PLD5: variants seen among roughly 807,000 people sequenced by gnomAD.
PLD5 encodes inactive phospholipase D5.
In PLD5, 36 loss-of-function variants were observed where a neutral mutation model predicts 61.1. That is an observed-to-expected ratio of 0.59 (90% CI 0.45 to 0.78). The LOEUF (loss-of-function observed/expected upper bound fraction) is 0.78, where lower values mean the gene tolerates loss of function less well. Among genes scored for constraint, PLD5 ranks in the 30% least tolerant of loss-of-function variants. The probability of loss-of-function intolerance (pLI) is 0.00; values close to 1 mark genes in which losing one functional copy is unlikely to be tolerated. For missense variants in PLD5, 515 were observed against 644.4 expected (o/e 0.80, Z 2.17); for synonymous variants, 243 against 242.8 (o/e 1.00, Z -0.01).
At chr1:242,092,173 C>CTAGA (rs1659886312) in intron 9 of PLD5, among the ~76,000 whole-genome samples, 1 of 152,056 alleles carries the variant, frequency 6.6e-6, no homozygotes. Context: ...GTTGCCCAGG[C>CTAGA]TAGAGTGCAG....
chr1:242,490,709 T>C (rs1382911451), intron 1 of PLD5, among the ~76,000 whole-genome samples: 1 of 152,282 alleles, frequency 6.6e-6, no homozygotes, highest in South Asian at 2.1e-4. Flanking sequence ...TCAATGTTCA[T>C]CTCTTTTTTA....
intron 2 of PLD5, among the ~76,000 whole-genome samples, chr1:242,307,948 G>A (rs2494894): frequency 6.6e-6 from 1 of 152,100 alleles, no homozygotes; most frequent in African/African-American, 2.4e-5. Context: ...TCTACTTGAC[G>A]TGTCAATGGA....
intron 5 of PLD5, among the ~76,000 whole-genome samples, chr1:242,181,012 A>G (rs1025034188): frequency 6.6e-6 from 1 of 151,996 alleles, no homozygotes; most frequent in African/African-American, 2.4e-5. Context: ...AAACAAACAA[A>G]AAAACACAAA....
chr1:242,166,784 C>CTGAT (rs1199451992), intron 5 of PLD5, among the ~76,000 whole-genome samples: 2 of 152,056 alleles, frequency 1.3e-5, no homozygotes, highest in Non-Finnish European at 2.9e-5. Flanking sequence ...TAGATGCTGA[C>CTGAT]TGATAACATA....
intron 2 of PLD5, among the ~76,000 whole-genome samples, chr1:242,296,388 C>T (rs555982863): frequency 6.6e-6 from 1 of 152,084 alleles, no homozygotes; most frequent in Non-Finnish European, 1.5e-5. Context: ...TAATTAATTG[C>T]CATTAGTCTA....
Position 242,301,927 on chromosome 1 carries a change from G to T in PLD5, c.327-13397C>A, listed in dbSNP as rs368547672. Among the ~76,000 whole-genome samples the T allele has an allele frequency of 4.5e-4, 68 of 152,052 alleles. No individual in the cohort carries two copies. In the East Asian group the frequency reaches 0.013, roughly 28 times the overall value. ...CGAGTAGCTGGGATTACTAGGGCCTGCCACCACACCCGGCTAATTATTTTT... is the reference window on the plus strand; with the variant it reads ...CGAGTAGCTGGGATTACTAGGGCCTTCCACCACACCCGGCTAATTATTTTT... On this transcript the variant is annotated intron_variant, in intron 2 of 9. Transcript: ENST00000536534.
At chr1:242,523,994 C>A in intron 1 of PLD5, 94 bp downstream of exon 1, 3 of 1,338,948 alleles carry the variant, frequency 2.2e-6, no homozygotes, top group Non-Finnish European at 3.0e-6. Context: ...CCCTCGCCTG[C>A]CCCCCGCGCC....
At chr1:242,283,951 C>T (rs1168440069) in intron 3 of PLD5, among the ~76,000 whole-genome samples, 1 of 151,874 alleles carries the variant, frequency 6.6e-6, no homozygotes, top group Non-Finnish European at 1.5e-5. Context: ...TTTTTATCTG[C>T]AAAGAACAGG....
Position 242,089,463 on chromosome 1 carries a change from C to T in PLD5, c.*391G>A. ...CTCTTCTCCAAGGCAAAATCCTCACCTTCCTCTCTAAATCAACAGTTCTCA... is the reference window on the plus strand; with the variant it reads ...CTCTTCTCCAAGGCAAAATCCTCACTTTCCTCTCTAAATCAACAGTTCTCA... On this transcript the variant is annotated 3_prime_UTR_variant, in exon 10 of 10. Coordinates refer to ENST00000536534, the MANE Select transcript of PLD5 (RefSeq NM_001372062.1). The T allele has an allele frequency of 2.3e-6, 1 of 428,612 alleles. No individual in the cohort carries two copies. The highest frequency in any genetic ancestry group is 4.1e-6 in the Non-Finnish European group (1 of 244,082). 26.6% of individuals were successfully genotyped at this position (428,612 alleles called of 1,614,324 possible).
intron 3 of PLD5, among the ~76,000 whole-genome samples, chr1:242,280,995 T>C (rs1207405445): frequency 4.6e-5 from 7 of 152,128 alleles, no homozygotes; most frequent in Non-Finnish European, 8.8e-5. Flanking sequence ...ACAAGTAGGC[T>C]TAGAGAGCCA....
At chr1:242,455,383 T>G (rs1666913438) in intron 1 of PLD5, among the ~76,000 whole-genome samples, 1 of 152,222 alleles carries the variant, frequency 6.6e-6, no homozygotes, top group Non-Finnish European at 1.5e-5. Flanking sequence ...CCAATTTTTT[T>G]GACATAAAGG....
At chr1:242,475,811 A>G (rs1667579634) in intron 1 of PLD5, among the ~76,000 whole-genome samples, 1 of 152,128 alleles carries the variant, frequency 6.6e-6, no homozygotes. Flanking sequence ...GAGAAGAGGA[A>G]GAGAGTCTAG....
intron 2 of PLD5, among the ~76,000 whole-genome samples, chr1:242,322,707 C>T (rs116643170): frequency 3.8e-4 from 58 of 152,220 alleles, no homozygotes; most frequent in African/African-American, 1.3e-3. Flanking sequence ...TATCCACTTC[C>T]TACTTCACTC....
intron 1 of PLD5, among the ~76,000 whole-genome samples, chr1:242,466,215 G>A (rs768437255): frequency 3.3e-5 from 5 of 152,054 alleles, no homozygotes; most frequent in Non-Finnish European, 7.4e-5. Context: ...CCCTTGTTAG[G>A]CTGTAAGCTT....
chr1:242,269,075 T>G (rs1025509838), intron 3 of PLD5, among the ~76,000 whole-genome samples: 4 of 152,180 alleles, frequency 2.6e-5, no homozygotes, highest in Admixed American at 6.5e-5. Flanking sequence ...ACTCCTAACT[T>G]GAGGTGATCC....
At chr1:242,287,584 C>G (rs1367998425) in intron 3 of PLD5, among the ~76,000 whole-genome samples, 1 of 152,010 alleles carries the variant, frequency 6.6e-6, no homozygotes, top group Non-Finnish European at 1.5e-5. Context: ...AAGCTTAATA[C>G]CACTACATTT....
At chr1:242,138,296 G>A (rs1161205985) in intron 5 of PLD5, among the ~76,000 whole-genome samples, 2 of 152,216 alleles carry the variant, frequency 1.3e-5, no homozygotes, top group African/African-American at 2.4e-5. Context: ...GGATGCAAGA[G>A]TGATGGCAGT....
intron 1 of PLD5, among the ~76,000 whole-genome samples, chr1:242,448,542 C>T (rs1188689721): frequency 6.6e-6 from 1 of 152,132 alleles, no homozygotes; most frequent in Non-Finnish European, 1.5e-5. Context: ...TGTTTAGTGG[C>T]CCCATTGTTG....
intron 2 of PLD5, among the ~76,000 whole-genome samples, chr1:242,327,208 T>C (rs572418388): frequency 4.5e-4 from 68 of 152,192 alleles, no homozygotes; most frequent in African/African-American, 1.5e-3. Flanking sequence ...GGTCTCACTA[T>C]GTTGCCCAGG....
Sources: gnomAD v4.1 joint callset for allele counts (sites outside exome capture counted in the v4.1 genomes callset) on GRCh38, gnomAD v4.1.1 for gene constraint, MANE v1.5 for transcripts, NCBI Gene and HGNC (gene_info 2026-07-23, HGNC 2026-07-21) for gene names.